The following ITPRIP variants were observed in gnomAD, a reference collection of about 807,000 sequenced individuals.
The protein encoded by ITPRIP is inositol 1,4,5-trisphosphate receptor interacting protein, also known as inositol 1,4,5-trisphosphate receptor-interacting protein.
In ITPRIP, 32 loss-of-function variants were observed where a neutral mutation model predicts 35.8. The ratio of observed to expected loss-of-function variants is 0.89; its 90% CI spans 0.68 to 1.20. ITPRIP has a LOEUF of 1.20. Ranked by LOEUF, ITPRIP falls within the 50% of genes most tolerant of loss-of-function variation. ITPRIP has a pLI of 0.00. For synonymous variants in ITPRIP, 358 were observed against 324.0 expected (o/e 1.11, Z -1.13); for missense variants, 653 against 735.6 (o/e 0.89, Z 1.30).
At position 104,316,068 on chromosome 10, in the gene ITPRIP, G is replaced by A; in HGVS notation, c.-13-4C>T. ...CATGGCCATGGTTGGAGCTTTCCTG[G>A]GAACAGAGAGACAGATGGTCACACC... is the stretch of plus-strand genomic sequence containing the variant. On this transcript the variant is annotated splice_polypyrimidine_tract_variant and splice_region_variant and intron_variant, in intron 1 of 1. Coordinates refer to ENST00000337478, the MANE Select transcript of ITPRIP (RefSeq NM_001272013.2). The A allele has an allele frequency of 6.5e-7, 1 of 1,545,010 alleles. No homozygotes were observed. The highest frequency in any genetic ancestry group is 8.7e-7 in the Non-Finnish European group (1 of 1,150,142).
In ITPRIP at chr10:104,311,243, A is replaced by G. The variant is rs10491046; in HGVS notation, c.*3165T>C. 0.26 allele frequency: 39,997 copies of G among 152,160 alleles called. 5,451 individuals are homozygous for G. The highest frequency in any genetic ancestry group is 0.35 in the Middle Eastern group (103 of 292). The allele number at this position is 152,160 out of a possible 1,614,324, so 9.4% of individuals were successfully genotyped here. A position where few individuals can be genotyped will look rare whatever the true frequency, so the allele number is the denominator to read the frequency against. On this transcript the variant is annotated 3_prime_UTR_variant, in exon 2 of 2. Coordinates refer to ENST00000337478, the MANE Select transcript of ITPRIP (RefSeq NM_001272013.2). ...TGATGCCACTTAGACCACAGATTCC[A>G]AGCAGGCTCATTGGCTTTTCCCAGG...
At chr10:104,321,213 C>T (rs563405407) in intron 1 of ITPRIP, among the ~76,000 whole-genome samples, 1 of 152,322 alleles carries the variant, frequency 6.6e-6, no homozygotes, top group Non-Finnish European at 1.5e-5. Flanking sequence ...GAGACATCAG[C>T]TGGTGGGTTT....
intron 1 of ITPRIP, among the ~76,000 whole-genome samples, chr10:104,337,651 A>C (rs1228412487): frequency 6.6e-6 from 1 of 152,106 alleles, no homozygotes; most frequent in Non-Finnish European, 1.5e-5. Context: ...CCCAAGAGCA[A>C]GTCTGCACAG....
intron 1 of ITPRIP, among the ~76,000 whole-genome samples, chr10:104,321,703 C>CT (rs111255254): frequency 0.016 from 2,134 of 137,338 alleles, 32 homozygotes; most frequent in African/African-American, 0.028. Context: ...CTTTTCTTTT[C>CT]TTTTTTTTTT....
intron 1 of ITPRIP, among the ~76,000 whole-genome samples, chr10:104,316,703 A>G (rs1402157398): frequency 6.6e-6 from 1 of 152,196 alleles, no homozygotes; most frequent in African/African-American, 2.4e-5. Flanking sequence ...TTAGTCACAC[A>G]AGTCAATAAA....
rs1440549529 is a variant in ITPRIP, at chr10:104,312,928, T to A, written c.*1480A>T. Reference sequence around the variant, plus strand: ...AAGGGTAACTGAAGTAACGGTGAGATAGGAAATCTCAAAGGGCCAGTGAAG... The same window carrying A: ...AAGGGTAACTGAAGTAACGGTGAGAAAGGAAATCTCAAAGGGCCAGTGAAG... On this transcript the variant is annotated 3_prime_UTR_variant, in exon 2 of 2. Transcript: ENST00000337478. The A allele has an allele frequency of 6.1e-6, 6 of 985,280 alleles. No individual in the cohort carries two copies. In the East Asian group the frequency reaches 5.7e-4, roughly 93 times the overall value. 61.0% of individuals were successfully genotyped at this position (985,280 alleles called of 1,614,324 possible).
In ITPRIP at chr10:104,315,221, C is replaced by G. The variant is rs777486956; in HGVS notation, c.831G>C (p.Ala277=). Residue 277 remains alanine, a synonymous_variant, in exon 2 of 2, where the codon GCG becomes GCC. Coordinates refer to ENST00000337478, the MANE Select transcript of ITPRIP (RefSeq NM_001272013.2). The surrounding 1 kb of genome is among the most constrained non-coding windows in gnomAD (Gnocchi z 5.7). ...LCLLHGRNSM[A]PPCGDMENLL... is the part of the protein sequence containing the mutation. Reference sequence around the variant, plus strand: ...GGTTCTCCATGTCGCCGCAGGGAGGCGCCATGCTGTTCCTGCCGTGCAGGA... The same window carrying G: ...GGTTCTCCATGTCGCCGCAGGGAGGGGCCATGCTGTTCCTGCCGTGCAGGA... 2 of 1,613,848 alleles carry G rather than the reference C, an allele frequency of 1.2e-6. No homozygotes were observed. The highest frequency in any genetic ancestry group is 1.3e-5 in the African/African-American group (1 of 75,062).
At position 104,338,399 on chromosome 10, in the gene ITPRIP, C is replaced by T. The variant is rs1475676566; in HGVS notation, c.-167G>A. 1 of 152,142 alleles carries T rather than the reference C, an allele frequency of 6.6e-6. No individual in the cohort carries two copies. Among genetic ancestry groups the T allele is most frequent in the Non-Finnish European group, 1.5e-5 (1 of 68,044 alleles). The allele number at this position is 152,142 out of a possible 1,614,324, so 9.4% of individuals were successfully genotyped here. A position where few individuals can be genotyped will look rare whatever the true frequency, so the allele number is the denominator to read the frequency against. On this transcript the variant is annotated 5_prime_UTR_variant, in exon 1 of 2. Transcript: ENST00000337478. ...TTAGAGGGGCGCGGGCGGCGATGCC[C>T]CCGCTGGCTCCCACCTTCTGGCCTG...
In ITPRIP at chr10:104,315,980, C is replaced by A. The variant is rs772932321; in HGVS notation, c.72G>T (p.Pro24=). 6.2e-7 allele frequency: 1 copy of A among 1,612,960 alleles called. No individual in the cohort carries two copies. Among genetic ancestry groups the A allele is most frequent in the African/African-American group, 1.3e-5 (1 of 75,032 alleles). The change falls in exon 2 of 2, where the codon CCG becomes CCT. Residue 24 remains proline (P), a synonymous_variant. Coordinates refer to ENST00000337478, the MANE Select transcript of ITPRIP (RefSeq NM_001272013.2). The surrounding 1 kb of genome is among the most constrained non-coding windows in gnomAD (Gnocchi z 5.7). ...TCTCGGGGACTGTGGCGTTCTCCCG[C>A]GGGAACAGCAGCGGGTGGTTGATGA... ...TAIINHPLLF[P]RENATVPENE... is the part of the protein sequence containing the mutation.
At position 104,315,669 on chromosome 10, in the gene ITPRIP, C is replaced by T. The variant is rs761181522; in HGVS notation, c.383G>A (p.Gly128Asp). The T allele has an allele frequency of 5.6e-6, 9 of 1,612,052 alleles. No individual in the cohort carries two copies. The highest frequency in any genetic ancestry group is 1.7e-5 in the Admixed American group (1 of 59,988). ...CAGGGTGAGGCCCTGCAAGGGGGCG[C>T]CCCCCAGCCCAGGCAGCTCATCCTC... ...GEEDELPGLG[G>D]APLQGLTLPN... Residue 128 changes from glycine (G) to aspartate (D), a missense_variant, in exon 2 of 2, where the codon GGC (glycine) becomes GAC (aspartate). By Grantham distance (94) the Gly-to-Asp change is moderately conservative. Coordinates refer to ENST00000337478, the MANE Select transcript of ITPRIP (RefSeq NM_001272013.2). The surrounding 1 kb of genome is among the most constrained non-coding windows in gnomAD (Gnocchi z 5.7).
rs2013491177 is a variant in ITPRIP at position 104,311,600 on chromosome 10, C to A, written c.*2808G>T. Reference sequence around the variant, plus strand: ...GGCTAGAGCTTTTGAGGATATAAGGCCCTTCCCCAACATAACCAGCCTCTT... The same window carrying A: ...GGCTAGAGCTTTTGAGGATATAAGGACCTTCCCCAACATAACCAGCCTCTT... On this transcript the variant is annotated 3_prime_UTR_variant, in exon 2 of 2. Coordinates refer to ENST00000337478, the MANE Select transcript of ITPRIP (RefSeq NM_001272013.2). 6.6e-6 allele frequency: 1 copy of A among 152,198 alleles called. No individual in the cohort carries two copies. Among genetic ancestry groups the A allele is most frequent in the Non-Finnish European group, 1.5e-5 (1 of 68,042 alleles). The allele number at this position is 152,198 out of a possible 1,614,324, so 9.4% of individuals were successfully genotyped here. A position where few individuals can be genotyped will look rare whatever the true frequency, so the allele number is the denominator to read the frequency against.
intron 1 of ITPRIP, among the ~76,000 whole-genome samples, chr10:104,319,012 T>C (rs1450090466): frequency 6.6e-6 from 1 of 152,216 alleles, no homozygotes; most frequent in Non-Finnish European, 1.5e-5. Flanking sequence ...AGGCAGTGCA[T>C]AGTAGCACTG....
intron 1 of ITPRIP, among the ~76,000 whole-genome samples, chr10:104,336,233 A>G (rs1324699199): frequency 6.6e-6 from 1 of 152,170 alleles, no homozygotes; most frequent in Admixed American, 6.5e-5. Flanking sequence ...AACAGTTCTC[A>G]GCATCCTCCT....
At chr10:104,327,832 T>C (rs190155096) in intron 1 of ITPRIP, among the ~76,000 whole-genome samples, 1 of 152,350 alleles carries the variant, frequency 6.6e-6, no homozygotes, top group Non-Finnish European at 1.5e-5. Flanking sequence ...CCCAAGGTGC[T>C]GAGAGGTGGG....
rs1303986841 is a variant in ITPRIP, at chr10:104,310,080, C to T, written c.*4328G>A. 1 of 152,218 alleles carries T rather than the reference C, an allele frequency of 6.6e-6. No homozygotes were observed. Among genetic ancestry groups the T allele is most frequent in the Admixed American group, 6.5e-5 (1 of 15,284 alleles). 9.4% of individuals were successfully genotyped at this position (152,218 alleles called of 1,614,324 possible). On this transcript the variant is annotated 3_prime_UTR_variant, in exon 2 of 2. Coordinates refer to ENST00000337478, the MANE Select transcript of ITPRIP (RefSeq NM_001272013.2). ...CCTGTTGAAGGCACACATTGCCCTT[C>T]ACTCTGTGACTCTTGGCTCCCTCTG...
At chr10:104,324,488 G>C (rs938631092) in intron 1 of ITPRIP, among the ~76,000 whole-genome samples, 62 of 152,300 alleles carry the variant, frequency 4.1e-4, no homozygotes, top group African/African-American at 1.5e-3. Flanking sequence ...GCGGCTCTGG[G>C]CTTGCCGCAC....
In ITPRIP at chr10:104,314,953, T is replaced by G. The variant is rs779361605; in HGVS notation, c.1099A>C (p.Arg367=). Residue 367 remains arginine, a synonymous_variant, in exon 2 of 2, where the codon AGG becomes CGG. Coordinates refer to ENST00000337478, the MANE Select transcript of ITPRIP (RefSeq NM_001272013.2). ...SDLYFVSHLP[R]EPSEGTPASS... is the part of the protein sequence containing the mutation. The stretch of plus-strand genomic sequence containing the variant: ...GCTGGGGTGCCCTCAGAGGGCTCCC[T>G]GGGAAGGTGGGAGACAAAGTACAGG... 16 of 1,613,590 alleles carry G rather than the reference T, an allele frequency of 9.9e-6. No individual in the cohort carries two copies. Among genetic ancestry groups the G allele is most frequent in the Non-Finnish European group, 1.3e-5 (15 of 1,179,990 alleles).
rs945365932 is a variant in ITPRIP, at chr10:104,315,382, G to C, written c.670C>G (p.Pro224Ala). Reference sequence around the variant, plus strand: ...GAGCGGCCGGAGCACCAGAGCTCTGGGTGGAAGCGGTAGGGCTCGGGGGGT... The same window carrying C: ...GAGCGGCCGGAGCACCAGAGCTCTGCGTGGAAGCGGTAGGGCTCGGGGGGT... ...FTPPEPYRFHPELWCSGRSVP... is the reference protein window; with the variant it reads ...FTPPEPYRFHAELWCSGRSVP... Residue 224 changes from proline to alanine, a missense_variant, in exon 2 of 2, where the codon CCA becomes GCA. Transcript: ENST00000337478. This position sits in a 1 kb window ranked among gnomAD's most constrained non-coding sequence, Gnocchi z 5.7. 3.2e-6 allele frequency: 5 copies of C among 1,567,462 alleles called. No homozygotes were observed. The African/African-American group carries it at 6.8e-5, about 21-fold the overall frequency.
Position 104,322,293 on chromosome 10 carries a change from C to T in ITPRIP, c.-13-6229G>A, listed in dbSNP as rs943893108. 3.3e-5 allele frequency among the ~76,000 whole-genome samples: 5 copies of T among 152,332 alleles called. 1 individual carries two copies. Among genetic ancestry groups the T allele is most frequent in the South Asian group, 2.1e-4 (1 of 4,824 alleles). On this transcript the variant is annotated intron_variant, in intron 1 of 1. Transcript: ENST00000337478. ...CGGCCCCACAACCTGTTCATCACAC[C>T]GCTTTTGCCCCACTGCCCATCTACT...
Sources: gnomAD v4.1 joint callset for allele counts (sites outside exome capture counted in the v4.1 genomes callset) on GRCh38, gnomAD v4.1.1 for gene constraint, Gnocchi (gnomAD v3.1) non-coding constraint, MANE v1.5 for transcripts, NCBI Gene and HGNC (gene_info 2026-07-23, HGNC 2026-07-21) for gene names.